UMODL1: variants seen among roughly 807,000 people sequenced by gnomAD.
The protein encoded by UMODL1 is uromodulin like 1.
In UMODL1, 128 loss-of-function variants were observed where a neutral mutation model predicts 136.3. That is an observed-to-expected ratio of 0.94 (90% confidence interval 0.81 to 1.09). The LOEUF is 1.09. UMODL1 is among the 50% of genes least tolerant of loss of function. UMODL1 has a pLI of 0.00. For synonymous variants in UMODL1, 721 were observed against 720.0 expected (o/e 1.00, Z -0.02); for missense variants, 1,766 against 1,725.6 (o/e 1.02, Z -0.41).
chr21:42,131,899 A>G (rs938387088), intron 21 of UMODL1, among the ~76,000 whole-genome samples: 18 of 152,330 alleles, frequency 1.2e-4, no homozygotes, highest in Middle Eastern at 3.4e-3. Context: ...CTTTCACCCT[A>G]TAAGAAATAG....
intron 17 of UMODL1, among the ~76,000 whole-genome samples, chr21:42,124,153 C>T (rs1448174008): frequency 1.3e-5 from 2 of 152,230 alleles, no homozygotes; most frequent in Non-Finnish European, 1.5e-5. Flanking sequence ...GGCCCTTGTT[C>T]GTCTCCAACC....
intron 6 of UMODL1, among the ~76,000 whole-genome samples, chr21:42,095,770 C>T (rs570468351): frequency 6.6e-6 from 1 of 152,284 alleles, no homozygotes; most frequent in Admixed American, 6.5e-5. Flanking sequence ...CTTGACCTTT[C>T]TAGGCCTCAG....
At chr21:42,076,816 G>T (rs1369822158) in intron 2 of UMODL1, among the ~76,000 whole-genome samples, 2 of 152,166 alleles carry the variant, frequency 1.3e-5, no homozygotes, top group African/African-American at 4.8e-5. Context: ...CACCCTAAGT[G>T]CTCAGAGGCC....
chr21:42,079,408 C>A (rs1052360109), intron 2 of UMODL1, among the ~76,000 whole-genome samples: 1 of 152,240 alleles, frequency 6.6e-6, no homozygotes, highest in African/African-American at 2.4e-5. Context: ...GATGCCCTTG[C>A]AGTCAGGGAG....
intron 2 of UMODL1, among the ~76,000 whole-genome samples, chr21:42,079,197 A>C (rs1206853306): frequency 6.6e-6 from 1 of 152,072 alleles, no homozygotes. Context: ...CACCAGCCCC[A>C]CCCATGCCCA....
At chr21:42,103,450 A>G (rs939758778) in intron 8 of UMODL1, 2 of 355,264 alleles carry the variant, frequency 5.6e-6, no homozygotes, top group African/African-American at 4.3e-5. Context: ...TGTGGGATAC[A>G]GCCTAGTAAG....
intron 21 of UMODL1, among the ~76,000 whole-genome samples, chr21:42,130,899 T>C (rs928151090): frequency 1.4e-4 from 21 of 151,348 alleles, no homozygotes; most frequent in African/African-American, 5.1e-4. Flanking sequence ...AAGCTCTGCC[T>C]CCTGGGTTCA....
intron 10 of UMODL1, 128 bp from the exon 11 acceptor site, chr21:42,110,752 C>T: frequency 2.1e-6 from 2 of 935,326 alleles, no homozygotes; most frequent in African/African-American, 1.7e-5. Context: ...TGGCGCCCGC[C>T]TGCGTCCCTG....
chr21:42,088,266 G>A (rs376809279), intron 4 of UMODL1, 28 bp from the exon 5 acceptor site: 16 of 1,600,994 alleles, frequency 1.0e-5, no homozygotes, highest in Non-Finnish European at 1.3e-5. Flanking sequence ...TCCTTCTGCT[G>A]TGTGACACTC....
At chr21:42,126,913 T>C in intron 18 of UMODL1, 93 bp from the exon 19 acceptor site, 1 of 1,031,598 alleles carries the variant, frequency 9.7e-7, no homozygotes, top group Non-Finnish European at 1.5e-6. Flanking sequence ...CACGTTCCTC[T>C]GGAGCTGTGT....
At chr21:42,108,908 A>G (rs921268062) in intron 9 of UMODL1, among the ~76,000 whole-genome samples, 7 of 96,126 alleles carry the variant, frequency 7.3e-5, no homozygotes, top group South Asian at 4.3e-4. Context: ...ACTCAGGCTG[A>G]CCCCCACCCC....
At chr21:42,094,259 T>C (rs545566889) in intron 6 of UMODL1, among the ~76,000 whole-genome samples, 1 of 152,326 alleles carries the variant, frequency 6.6e-6, no homozygotes, top group Non-Finnish European at 1.5e-5. Context: ...TGTTTCCAGA[T>C]CAGCAGTTTA....
intron 15 of UMODL1, 146 bp downstream of exon 15, chr21:42,119,470 T>C (rs2066942621): frequency 2.8e-6 from 2 of 708,888 alleles, no homozygotes; most frequent in Non-Finnish European, 4.8e-6. Flanking sequence ...GTGAAATAGA[T>C]AGGACCCTGT....
chr21:42,063,963 A>G (rs1012587165), intron 1 of UMODL1, among the ~76,000 whole-genome samples: 6 of 152,168 alleles, frequency 3.9e-5, no homozygotes, highest in African/African-American at 1.2e-4. Flanking sequence ...GTGAAAAACA[A>G]GAGATGCTCA....
At chr21:42,080,277 G>T (rs2146430526) in intron 2 of UMODL1, among the ~76,000 whole-genome samples, 1 of 152,316 alleles carries the variant, frequency 6.6e-6, no homozygotes, top group Middle Eastern at 3.4e-3. Flanking sequence ...ACGAAGCAGG[G>T]CCCGAAGCTG....
chr21:42,105,101 G>C (rs144151350), intron 9 of UMODL1, among the ~76,000 whole-genome samples: 1 of 152,200 alleles, frequency 6.6e-6, no homozygotes, highest in Non-Finnish European at 1.5e-5. Flanking sequence ...GGTTGGGTGT[G>C]GGGGGATCTA....
chr21:42,080,163 C>T (rs577443901), intron 2 of UMODL1, among the ~76,000 whole-genome samples: 4 of 152,310 alleles, frequency 2.6e-5, no homozygotes, highest in East Asian at 3.9e-4. Context: ...TGATCAAAGC[C>T]GCCTTTTTCT....
chr21:42,120,905 C>G lies in UMODL1; in HGVS notation c.2690-182C>G, dbSNP rs562092885. On this transcript the variant is annotated intron_variant, in intron 15 of 22. Coordinates refer to ENST00000408910, the MANE Select transcript of UMODL1 (RefSeq NM_001004416.3). ...AACAGCCCCTGCAGACATACTTAGC[C>G]ATTCCCAGCCCCAGCTTCAGGAAGC... 90 of 670,606 alleles carry G rather than the reference C, an allele frequency of 1.3e-4. No individual in the cohort carries two copies. The African/African-American group carries it at 1.5e-3, about 11-fold the overall frequency. 41.5% of individuals were successfully genotyped at this position (670,606 alleles called of 1,614,324 possible).
intron 4 of UMODL1, 146 bp from the exon 5 acceptor site, chr21:42,088,148 T>C: frequency 1.3e-6 from 1 of 751,326 alleles, no homozygotes; most frequent in Non-Finnish European, 2.1e-6. Context: ...TAGTGATGGA[T>C]AGATAAGTAC....
Sources: gnomAD v4.1 joint callset for allele counts (sites outside exome capture counted in the v4.1 genomes callset) on GRCh38, gnomAD v4.1.1 for gene constraint, MANE v1.5 for transcripts, NCBI Gene and HGNC (gene_info 2026-07-23, HGNC 2026-07-21) for gene names.